The following ZDHHC20 variants were observed in gnomAD, a reference collection of about 807,000 sequenced individuals.
ZDHHC20 encodes the protein palmitoyltransferase ZDHHC20.
ZDHHC20 carries 43 observed loss-of-function variants against 57.8 expected under a neutral mutation model. The observed-to-expected ratio is 0.74, with a 90% CI of 0.58 to 0.96. The LOEUF is 0.96. ZDHHC20 is among the 40% of genes least tolerant of loss of function. The probability of loss-of-function intolerance (pLI) is 0.00; values close to 1 mark genes in which losing one functional copy is unlikely to be tolerated. For synonymous variants in ZDHHC20, 157 were observed against 153.0 expected (o/e 1.03, Z -0.19); for missense variants, 391 against 441.1 (o/e 0.89, Z 1.02).
rs549217513 is a variant in ZDHHC20, at chr13:21,372,699, T to A, written c.*3997A>T. The A allele has an allele frequency of 6.6e-6, 1 of 152,182 alleles. No homozygotes were observed. The highest frequency in any genetic ancestry group is 1.5e-5 in the Non-Finnish European group (1 of 68,022). The allele number at this position is 152,182 out of a possible 1,614,324, so 9.4% of individuals were successfully genotyped here. On this transcript the variant is annotated 3_prime_UTR_variant, in exon 13 of 13. Transcript: ENST00000400590. ...CAAAAGACAAAGCAAAGCATCAACA[T>A]TAAGTCACAGGCTAGGATTATACAA... is the stretch of plus-strand genomic sequence containing the variant.
At chr13:21,395,181 C>G (rs1593199205) in intron 7 of ZDHHC20, among the ~76,000 whole-genome samples, 1 of 151,798 alleles carries the variant, frequency 6.6e-6, no homozygotes, top group East Asian at 1.9e-4. Flanking sequence ...ATTCTCCTGC[C>G]TCAGCCTCCA....
rs1397077103 is a variant in ZDHHC20, at chr13:21,413,714, T to G, written c.308A>C (p.Gln103Pro). The G allele has an allele frequency of 6.2e-7, 1 of 1,611,968 alleles. No homozygotes were observed. Among genetic ancestry groups the G allele is most frequent in the Admixed American group, 1.7e-5 (1 of 59,968 alleles). Residue 103 changes from glutamine (Q) to proline (P), a missense_variant, in exon 4 of 13, where the codon CAA becomes CCA. By Grantham distance (76) the Gln-to-Pro change is moderately conservative. Transcript: ENST00000400590. ...RYEKEFSQER[Q>P]QEILRRAARA... ...TGCTGCTCTTCTCAAAATTTCTTGT[T>G]GTCTTTCTTGGCTGAATTCTTTTTC...
In ZDHHC20 at chr13:21,395,594, C is replaced by G. The variant is rs368597748; in HGVS notation, c.595-3740G>C. ...TTGGCTCACTGGAACCTCCGCCTCC[C>G]GGGTTCAAGCGATTCTCCTGCCTCA... On this transcript the variant is annotated intron_variant, in intron 7 of 12. Coordinates refer to ENST00000400590, the MANE Select transcript of ZDHHC20 (RefSeq NM_001330059.2). Among the ~76,000 whole-genome samples the G allele has an allele frequency of 9.9e-4, 149 of 150,784 alleles. 3 individuals are homozygous for G. Among genetic ancestry groups the G allele is most frequent in the Admixed American group, 9.1e-3 (137 of 15,116 alleles).
intron 2 of ZDHHC20, among the ~76,000 whole-genome samples, chr13:21,422,047 A>G (rs1343849625): frequency 6.6e-6 from 1 of 152,184 alleles, no homozygotes; most frequent in African/African-American, 2.4e-5. Context: ...CAGTAAAGTT[A>G]GCTGCTTAAT....
intron 4 of ZDHHC20, among the ~76,000 whole-genome samples, chr13:21,411,062 T>C (rs1347066021): frequency 1.3e-5 from 2 of 152,214 alleles, no homozygotes; most frequent in Non-Finnish European, 2.9e-5. Flanking sequence ...CTGGGCCGAA[T>C]AGCACTGTCC....
At chr13:21,433,602 G>A (rs1882231517) in intron 1 of ZDHHC20, among the ~76,000 whole-genome samples, 1 of 134,324 alleles carries the variant, frequency 7.4e-6, no homozygotes. Context: ...GGGTGACAGA[G>A]CAAGACTCCA....
Position 21,381,460 on chromosome 13 carries a change from C to T in ZDHHC20, c.1034G>A (p.Gly345Glu). 1 of 1,613,852 alleles carries T rather than the reference C, an allele frequency of 6.2e-7. No homozygotes were observed. Among genetic ancestry groups the T allele is most frequent in the Non-Finnish European group, 8.5e-7 (1 of 1,179,836 alleles). ...TGATTTGACGATGCCTTCTTCAGCT[C>T]CATTCTCCAGCCACTGAGATTCACT... ...LDSESQWLEN[G>E]AEEGIVKSGT... Residue 345 changes from glycine (G) to glutamate (E), a missense_variant, in exon 11 of 13, where the codon GGA becomes GAA. Gly to Glu is a moderately conservative substitution (Grantham distance 98). Transcript: ENST00000400590.
chr13:21,424,963 A>G (rs1881089422), intron 2 of ZDHHC20, among the ~76,000 whole-genome samples: 1 of 152,230 alleles, frequency 6.6e-6, no homozygotes, highest in Non-Finnish European at 1.5e-5. Context: ...AATTGTCTCC[A>G]GTAAGAGGAA....
chr13:21,441,709 A>T (rs1792608840), intron 1 of ZDHHC20, among the ~76,000 whole-genome samples: 1 of 151,524 alleles, frequency 6.6e-6, no homozygotes, highest in Non-Finnish European at 1.5e-5. Context: ...GCCCTCTTCC[A>T]CTATATTTTC....
At chr13:21,443,711 T>A (rs1207183030) in intron 1 of ZDHHC20, among the ~76,000 whole-genome samples, 1 of 152,248 alleles carries the variant, frequency 6.6e-6, no homozygotes, top group African/African-American at 2.4e-5. Flanking sequence ...ACTTAATTAC[T>A]TAGCGCATTA....
At chr13:21,409,383 AGT>A (rs1051961575) in intron 4 of ZDHHC20, among the ~76,000 whole-genome samples, 1 of 152,112 alleles carries the variant, frequency 6.6e-6, no homozygotes, top group Admixed American at 6.5e-5. Context: ...CAGATTTTCT[AGT>A]TTATTTGTGT....
chr13:21,441,312 GT>G (rs571252468), intron 1 of ZDHHC20, among the ~76,000 whole-genome samples: 4 of 147,378 alleles, frequency 2.7e-5, no homozygotes, highest in East Asian at 2.0e-4. Context: ...CATTTTTCTT[GT>G]TTTTTTTTCT....
rs181027914 is a variant in ZDHHC20, at chr13:21,398,396, G to A, written c.594+1977C>T. ...GCAGAATGGCATGAACCCGGGAGGC[G>A]GAGCTGGCAGTGAGCCAAGATCGCG... On this transcript the variant is annotated intron_variant, in intron 7 of 12. Transcript: ENST00000400590. Among the ~76,000 whole-genome samples the A allele has an allele frequency of 2.1e-3, 318 of 151,834 alleles. 2 individuals are homozygous for A. The Middle Eastern group carries it at 0.037, about 18-fold the overall frequency.
intron 1 of ZDHHC20, among the ~76,000 whole-genome samples, chr13:21,458,820 T>C (rs1038968450): frequency 2.0e-5 from 3 of 152,192 alleles, no homozygotes; most frequent in African/African-American, 7.2e-5. Context: ...GGGCCAGACC[T>C]GCACCCGGGA....
At chr13:21,406,151 A>G (rs1228543966) in intron 4 of ZDHHC20, among the ~76,000 whole-genome samples, 2 of 152,208 alleles carry the variant, frequency 1.3e-5, no homozygotes, top group Admixed American at 6.5e-5. Flanking sequence ...CTGCTGCCAT[A>G]TATCAAATAC....
chr13:21,381,611 A>G, intron 10 of ZDHHC20, 62 bp from the exon 11 acceptor site: 1 of 1,113,222 alleles, frequency 9.0e-7, no homozygotes, highest in Non-Finnish European at 1.3e-6. Context: ...TACTTAATAA[A>G]TTAATAAGCA....
At chr13:21,420,287 C>CAATA (rs1206149051) in intron 3 of ZDHHC20, among the ~76,000 whole-genome samples, 1 of 152,084 alleles carries the variant, frequency 6.6e-6, no homozygotes, top group African/African-American at 2.4e-5. Flanking sequence ...AACTCCATCT[C>CAATA]AATAAATAAA....
intron 5 of ZDHHC20, among the ~76,000 whole-genome samples, 184 bp from the exon 6 acceptor site, chr13:21,401,869 T>A (rs532166646): frequency 2.0e-5 from 3 of 152,320 alleles, no homozygotes; most frequent in African/African-American, 7.2e-5. Context: ...TAAAAAGTCA[T>A]GATTTTTATA....
At chr13:21,402,895 TGAAG>T in intron 4 of ZDHHC20, 29 bp from the exon 5 acceptor site, 1 of 1,529,720 alleles carries the variant, frequency 6.5e-7, no homozygotes, top group Non-Finnish European at 8.9e-7. Flanking sequence ...AGGAAGATGC[TGAAG>T]GATGTACAAA....
Sources: gnomAD v4.1 joint callset for allele counts (sites outside exome capture counted in the v4.1 genomes callset) on GRCh38, gnomAD v4.1.1 for gene constraint, MANE v1.5 for transcripts, NCBI Gene and HGNC (gene_info 2026-07-23, HGNC 2026-07-21) for gene names.